CDK5RAP2: variants seen among roughly 807,000 people sequenced by gnomAD.
The protein encoded by CDK5RAP2 is CDK5 regulatory subunit-associated protein 2.
CDK5RAP2 carries 147 observed loss-of-function variants against 232.9 expected under a neutral mutation model. The ratio of observed to expected loss-of-function variants is 0.63; its 90% confidence interval spans 0.55 to 0.72. The LOEUF (loss-of-function observed/expected upper bound fraction) is 0.72, where lower values mean the gene tolerates loss of function less well. Ranked by LOEUF, CDK5RAP2 falls within the 30% of genes least tolerant of loss-of-function variation. The pLI, the probability that CDK5RAP2 is intolerant of heterozygous loss-of-function variation, is 0.00. For missense variants in CDK5RAP2, 2,195 were observed against 2,231.5 expected, an observed-to-expected ratio of 0.98 and a Z score of 0.33; for synonymous variants, 833 against 833.7, an observed-to-expected ratio of 1.00 and a Z score of 0.01.
At chr9:120,473,665 C>T (rs2037846265) in intron 15 of CDK5RAP2, among the ~76,000 whole-genome samples, 1 of 152,162 alleles carries the variant, frequency 6.6e-6, no homozygotes, top group Admixed American at 6.5e-5. Flanking sequence ...CATTTTAAGA[C>T]AATCATAATG....
At chr9:120,571,939 T>A (rs771944245) in intron 2 of CDK5RAP2, 35 bp downstream of exon 2, 1 of 1,554,664 alleles carries the variant, frequency 6.4e-7, no homozygotes, top group Non-Finnish European at 8.9e-7. Flanking sequence ...TTCCTTGTTC[T>A]TTACTCAAGA....
intron 12 of CDK5RAP2, among the ~76,000 whole-genome samples, chr9:120,509,283 A>G (rs1024027022): frequency 6.6e-6 from 1 of 152,248 alleles, no homozygotes; most frequent in Non-Finnish European, 1.5e-5. Context: ...ACCGTCTGGT[A>G]GATTCTAGCA....
rs753350970 is a variant in CDK5RAP2 at position 120,530,131 on chromosome 9, C to T, written c.672G>A (p.Glu224=). 3 of 1,612,774 alleles carry T rather than the reference C, an allele frequency of 1.9e-6. No homozygotes were observed. The South Asian group carries it at 3.3e-5, about 18-fold the overall frequency. The stretch of plus-strand genomic sequence containing the variant: ...TGCTCTTCAAAGACAGCTTCAACTC[C>T]TCAATCAGTCTAAAAGAGAACAAAA... ...LVLDEKDRLI[E]ELKLSLKSKE... is the part of the protein sequence containing the mutation. Residue 224 remains glutamate (E), a synonymous_variant, in exon 8 of 38, where the codon GAG becomes GAA. Transcript: ENST00000349780.
Position 120,403,386 on chromosome 9 carries a change from T to C in CDK5RAP2, c.5042-315A>G. 1 of 413,330 alleles carries C rather than the reference T, an allele frequency of 2.4e-6. No homozygotes were observed. Among genetic ancestry groups the C allele is most frequent in the South Asian group, 2.2e-5 (1 of 44,812 alleles). The allele number at this position is 413,330 out of a possible 1,614,324, so 25.6% of individuals were successfully genotyped here. ...TGCATTCCAGTAGCCCACAGTCTGA[T>C]CAGAACACAGACACTGCAGAAGGTG... On this transcript the variant is annotated intron_variant, in intron 33 of 37. Coordinates refer to ENST00000349780, the MANE Select transcript of CDK5RAP2 (RefSeq NM_018249.6). This position sits in a 1 kb window ranked among gnomAD's most constrained non-coding sequence, Gnocchi z 4.2.
At chr9:120,514,871 C>A (rs569276192) in intron 12 of CDK5RAP2, among the ~76,000 whole-genome samples, 3 of 152,252 alleles carry the variant, frequency 2.0e-5, no homozygotes, top group Non-Finnish European at 4.4e-5. Flanking sequence ...GCCCAAAATT[C>A]TTCTAGAAGC....
chr9:120,443,811 GAGA>G lies in CDK5RAP2; in HGVS notation c.3026-72_3026-70del, dbSNP rs1412874618. ...AGACCTGAAACTTAGCCAAGCAACT[GAGA>G]AGAACACAAAGATACAACAGGGAAA... is the stretch of plus-strand genomic sequence containing the variant. On this transcript the variant is annotated intron_variant, in intron 22 of 37. Coordinates refer to ENST00000349780, the MANE Select transcript of CDK5RAP2 (RefSeq NM_018249.6). 4 of 1,600,838 alleles carry G rather than the reference GAGA, an allele frequency of 2.5e-6. No individual in the cohort carries two copies. The Admixed American group carries it at 5.0e-5, about 20-fold the overall frequency.
chr9:120,453,506 C>A lies in CDK5RAP2; in HGVS notation c.2743G>T (p.Val915Leu), dbSNP rs2036585654. 1.2e-6 allele frequency: 2 copies of A among 1,613,672 alleles called. No homozygotes were observed. The highest frequency in any genetic ancestry group is 2.7e-5 in the African/African-American group (2 of 74,920). ...AEHRPENLHG[V>L]PGWQAALLSL... ...AGGAGGGCAGCCTGCCACCCAGGCA[C>A]CCCGTGCAGGTTCTCTGGCCGATGC... The change falls in exon 21 of 38, where the codon GTG becomes TTG. Residue 915 changes from valine (V) to leucine (L), a missense_variant. Coordinates refer to ENST00000349780, the MANE Select transcript of CDK5RAP2 (RefSeq NM_018249.6).
At chr9:120,535,890 A>G (rs1363728553) in intron 7 of CDK5RAP2, among the ~76,000 whole-genome samples, 2 of 152,228 alleles carry the variant, frequency 1.3e-5, no homozygotes, top group African/African-American at 2.4e-5. Flanking sequence ...ATAATGGAAT[A>G]TAAGTCACAC....
rs1400470897 is a variant in CDK5RAP2 at position 120,411,338 on chromosome 9, G to C, written c.4414+20C>G. The C allele has an allele frequency of 1.4e-6, 2 of 1,430,844 alleles. No individual in the cohort carries two copies. The highest frequency in any genetic ancestry group is 2.3e-5 in the East Asian group (1 of 44,046). The allele number at this position is 1,430,844 out of a possible 1,614,324, so 88.6% of individuals were successfully genotyped here. On this transcript the variant is annotated intron_variant, in intron 29 of 37. Coordinates refer to ENST00000349780, the MANE Select transcript of CDK5RAP2 (RefSeq NM_018249.6). ...AAGGCTTTGGCGTTCCAGACTTCCA[G>C]TGACTCCTTTAACTCTTACCTCTGG...
At chr9:120,541,521 G>C (rs754431530) in intron 5 of CDK5RAP2, among the ~76,000 whole-genome samples, 5 of 152,144 alleles carry the variant, frequency 3.3e-5, no homozygotes, top group Non-Finnish European at 7.4e-5. Flanking sequence ...ATTTTTGTTT[G>C]TGTTTTAAAG....
intron 29 of CDK5RAP2, among the ~76,000 whole-genome samples, chr9:120,409,890 C>T (rs1285760594): frequency 3.9e-5 from 6 of 152,234 alleles, no homozygotes; most frequent in East Asian, 1.9e-4. Context: ...CACTTCTCCA[C>T]GCCTGTTTCC....
At chr9:120,537,363 C>G (rs1400528827) in intron 6 of CDK5RAP2, among the ~76,000 whole-genome samples, 1 of 152,094 alleles carries the variant, frequency 6.6e-6, no homozygotes, top group Admixed American at 6.5e-5. Context: ...AATGTTGGCT[C>G]CCTCCTCCCT....
chr9:120,434,079 C>T (rs993854142), intron 25 of CDK5RAP2, among the ~76,000 whole-genome samples: 20 of 152,254 alleles, frequency 1.3e-4, no homozygotes, highest in African/African-American at 4.6e-4. Flanking sequence ...AAACACATAA[C>T]ATGCGAGATG....
At chr9:120,399,006 A>G (rs1366079772) in intron 35 of CDK5RAP2, among the ~76,000 whole-genome samples, 1 of 152,178 alleles carries the variant, frequency 6.6e-6, no homozygotes, top group East Asian at 1.9e-4. Flanking sequence ...GCAATTTAAC[A>G]CTACACAGGG....
intron 18 of CDK5RAP2, 185 bp from the exon 19 acceptor site, chr9:120,460,852 C>CT: frequency 1.1e-6 from 1 of 905,022 alleles, no homozygotes; most frequent in Non-Finnish European, 1.7e-6. Flanking sequence ...CTAGTTGTGG[C>CT]GAATCAGACA....
intron 20 of CDK5RAP2, among the ~76,000 whole-genome samples, chr9:120,457,971 G>C (rs2036874667): frequency 6.6e-6 from 1 of 152,138 alleles, no homozygotes; most frequent in South Asian, 2.1e-4. Flanking sequence ...CAAATGTACT[G>C]AATGTTTCTC....
chr9:120,529,416 T>C (rs967346537), intron 8 of CDK5RAP2, among the ~76,000 whole-genome samples: 1 of 152,326 alleles, frequency 6.6e-6, no homozygotes, highest in East Asian at 1.9e-4. Context: ...AACCCATCTC[T>C]TGGAACCTGG....
chr9:120,433,744 G>C (rs1392830142), intron 25 of CDK5RAP2, among the ~76,000 whole-genome samples: 1 of 152,154 alleles, frequency 6.6e-6, no homozygotes, highest in Non-Finnish European at 1.5e-5. Flanking sequence ...AGCTCTAGTA[G>C]GAAAAGTTTT....
chr9:120,526,569 TCTCA>T (rs753370455), intron 10 of CDK5RAP2, among the ~76,000 whole-genome samples: 16 of 152,116 alleles, frequency 1.1e-4, no homozygotes, highest in Non-Finnish European at 2.2e-4. Flanking sequence ...CTTTCTTGGC[TCTCA>T]CTGAGGCTAC....
Sources: gnomAD v4.1 joint callset for allele counts (sites outside exome capture counted in the v4.1 genomes callset) on GRCh38, gnomAD v4.1.1 for gene constraint, Gnocchi (gnomAD v3.1) non-coding constraint, MANE v1.5 for transcripts, NCBI Gene and HGNC (gene_info 2026-07-23, HGNC 2026-07-21) for gene names.